Variants in PPCS observed in about 807,000 individuals in gnomAD.
The protein encoded by PPCS is phosphopantothenoylcysteine synthetase, also known as phosphopantothenate--cysteine ligase.
PPCS carries 17 observed loss-of-function variants against 24.6 expected under a neutral mutation model. The ratio of observed to expected loss-of-function variants is 0.69; its 90% CI spans 0.47 to 1.04. PPCS has a LOEUF of 1.04. PPCS is among the 50% of genes least tolerant of loss of function. The pLI is 0.00. For missense variants in PPCS, 360 were observed against 402.8 expected, an observed-to-expected ratio of 0.89 and a Z score of 0.91; for synonymous variants, 190 against 168.3, an observed-to-expected ratio of 1.13 and a Z score of -1.00.
chr1:42,468,733 T>C (rs1643670040), intron 2 of PPCS: 1 of 152,198 alleles, frequency 6.6e-6, no homozygotes, highest in Admixed American at 6.5e-5. Context: ...GCATTACTAT[T>C]ACATTTATTC....
Position 42,469,860 on chromosome 1 carries a change from T to C in PPCS, n.378-3262T>C, listed in dbSNP as rs932902425. Among the ~76,000 whole-genome samples the C allele has an allele frequency of 3.9e-5, 6 of 152,028 alleles. No homozygotes were observed. In the South Asian group the frequency reaches 1.3e-3, roughly 32 times the overall value. ...GAGATATTCAGTTTGATGGGAGAGGTAAAAGTTTTGAATAGTTGCTGAGTG... is the reference window on the plus strand; with the variant it reads ...GAGATATTCAGTTTGATGGGAGAGGCAAAAGTTTTGAATAGTTGCTGAGTG... On this transcript the variant is annotated intron_variant and non_coding_transcript_variant, in intron 2 of 2. Transcript: ENST00000471420.
chr1:42,459,637 C>T lies in PPCS; in HGVS notation c.647C>T (p.Pro216Leu), dbSNP rs267598608. The T allele has an allele frequency of 6.2e-7, 1 of 1,613,896 alleles. No homozygotes were observed. Among genetic ancestry groups the T allele is most frequent in the Non-Finnish European group, 8.5e-7 (1 of 1,179,964 alleles). The change falls in exon 3 of 3, where the codon CCT (proline) becomes CTT (leucine). Residue 216 changes from proline to leucine, a missense_variant. By Grantham distance (98) the Pro-to-Leu change is moderately conservative. Around this residue, in one of 2 missense-constraint regions of PPCS, gnomAD observed 116 missense variants for 168.1 expected, o/e 0.69. Coordinates refer to ENST00000372561, the MANE Select transcript of PPCS (RefSeq NM_024664.4). ...AAGATGGTGCCAAAACTGCTTTCTCCTTTGGTTAAAGATTGGGCTCCCAAA... is the reference window on the plus strand; with the variant it reads ...AAGATGGTGCCAAAACTGCTTTCTCTTTTGGTTAAAGATTGGGCTCCCAAA... ...TMKMVPKLLS[P>L]LVKDWAPKAF...
chr1:42,465,813 T>A (rs1344580094), downstream of PPCS, among the ~76,000 whole-genome samples: 1 of 152,196 alleles, frequency 6.6e-6, no homozygotes, highest in Non-Finnish European at 1.5e-5. Context: ...CTCCATATCT[T>A]AATATGCACA....
At chr1:42,459,560 A>G (rs1160774142) in intron 2 of PPCS, 43 bp from the exon 3 acceptor site, 1 of 1,518,482 alleles carries the variant, frequency 6.6e-7, no homozygotes, top group African/African-American at 1.4e-5. Flanking sequence ...CTGGTAGGTA[A>G]TGACCATTGT....
intron 2 of PPCS, among the ~76,000 whole-genome samples, chr1:42,467,361 A>G (rs1643622681): frequency 6.6e-6 from 1 of 152,254 alleles, no homozygotes; most frequent in Admixed American, 6.5e-5. Context: ...AATAGTAGGC[A>G]AGCCTAAACT....
At position 42,456,576 on chromosome 1, in the gene PPCS, T is replaced by C. The variant is rs547431390; in HGVS notation, c.11T>C (p.Met4Thr). The change falls in exon 1 of 3, where the codon ATG becomes ACG. Residue 4 changes from methionine (M) to threonine (T), a missense_variant. Physicochemically the swap from Met to Thr is moderately conservative, Grantham distance 81. This residue lies in a region of PPCS where 244 missense variants were observed against 234.7 expected (regional missense o/e 1.04). Transcript: ENST00000372561. MAE[M>T]DPVAEFPQPP... The stretch of plus-strand genomic sequence containing the variant: ...GCCGCTGCGCTGCAGATGGCGGAAA[T>C]GGATCCGGTAGCCGAGTTCCCCCAG... 60 of 1,484,224 alleles carry C rather than the reference T, an allele frequency of 4.0e-5. 1 individual carries two copies. In the South Asian group the frequency reaches 6.3e-4, roughly 16 times the overall value. 91.9% of individuals were successfully genotyped at this position (1,484,224 alleles called of 1,614,324 possible).
intron 2 of PPCS, among the ~76,000 whole-genome samples, chr1:42,470,806 G>A (rs1057272571): frequency 1.3e-5 from 2 of 152,140 alleles, no homozygotes; most frequent in Admixed American, 1.3e-4. Context: ...TGGGGGTGAG[G>A]GGAATGAGAA....
Position 42,459,705 on chromosome 1 carries a change from G to A in PPCS, c.715G>A (p.Val239Ile), listed in dbSNP as rs1458168951. The A allele has an allele frequency of 1.9e-6, 3 of 1,614,094 alleles. No homozygotes were observed. The highest frequency in any genetic ancestry group is 2.5e-6 in the Non-Finnish European group (3 of 1,180,052). ...TAAGTTGGAGACTGACCCCGCCATTGTAATTAATCGAGCTCGGAAGGCTTT... is the reference window on the plus strand; with the variant it reads ...TAAGTTGGAGACTGACCCCGCCATTATAATTAATCGAGCTCGGAAGGCTTT... ...SFKLETDPAI[V>I]INRARKALEI... Residue 239 changes from valine to isoleucine, a missense_variant, in exon 3 of 3, where the codon GTA becomes ATA. Physicochemically the swap from Val to Ile is conservative, Grantham distance 29 (BLOSUM62 3). Coordinates refer to ENST00000372561, the MANE Select transcript of PPCS (RefSeq NM_024664.4).
downstream of PPCS, chr1:42,463,255 A>G (rs1211955444): frequency 1.3e-5 from 2 of 152,220 alleles, no homozygotes; most frequent in African/African-American, 2.4e-5. Flanking sequence ...CGCCGGAAGG[A>G]CGCGTCTGCG....
In PPCS at chr1:42,460,006, A is replaced by G; in HGVS notation, c.*80A>G. ...AACTACAAAAAAAACCATGGCTTTC[A>G]TATGGACAGATAAAATGAAAGAAAG... is the stretch of plus-strand genomic sequence containing the variant. On this transcript the variant is annotated 3_prime_UTR_variant, in exon 3 of 3. Transcript: ENST00000372561. The G allele has an allele frequency of 6.7e-7, 1 of 1,484,764 alleles. No individual in the cohort carries two copies. 92.0% of individuals were successfully genotyped at this position (1,484,764 alleles called of 1,614,324 possible). A position where few individuals can be genotyped will look rare whatever the true frequency, so the allele number is the denominator to read the frequency against.
downstream of PPCS, among the ~76,000 whole-genome samples, chr1:42,464,698 TTG>T (rs1160332021): frequency 1.3e-5 from 2 of 152,232 alleles, no homozygotes; most frequent in African/African-American, 4.8e-5. Flanking sequence ...TTGACTTAAT[TTG>T]TCTTACAATA....
At chr1:42,456,500 G>A (rs970577235), upstream of PPCS, 7 of 1,419,640 alleles carry the variant, frequency 4.9e-6, no homozygotes, top group African/African-American at 7.4e-5. Context: ...CGTACACCAG[G>A]TAGGCGAGAA....
In PPCS at chr1:42,460,039, G is replaced by T. The variant is rs1643368534; in HGVS notation, c.*113G>T. ...AGATAAAATGAAAGAAAGGGAAAAG[G>T]CAGTGGTGTGTAGGCAAATATGGTT... On this transcript the variant is annotated 3_prime_UTR_variant, in exon 3 of 3. Coordinates refer to ENST00000372561, the MANE Select transcript of PPCS (RefSeq NM_024664.4). 1 of 1,438,142 alleles carries T rather than the reference G, an allele frequency of 7.0e-7. No homozygotes were observed. The highest frequency in any genetic ancestry group is 1.4e-5 in the African/African-American group (1 of 69,994). The allele number at this position is 1,438,142 out of a possible 1,614,324, so 89.1% of individuals were successfully genotyped here.
At position 42,459,995 on chromosome 1, in the gene PPCS, C is replaced by A. The variant is rs992213398; in HGVS notation, c.*69C>A. On this transcript the variant is annotated 3_prime_UTR_variant, in exon 3 of 3. Coordinates refer to ENST00000372561, the MANE Select transcript of PPCS (RefSeq NM_024664.4). Reference sequence around the variant, plus strand: ...GAGATGGTGAAAACTACAAAAAAAACCATGGCTTTCATATGGACAGATAAA... The same window carrying A: ...GAGATGGTGAAAACTACAAAAAAAAACATGGCTTTCATATGGACAGATAAA... 1.4e-5 allele frequency: 21 copies of A among 1,503,150 alleles called. No homozygotes were observed. Among genetic ancestry groups the A allele is most frequent in the Middle Eastern group, 2.5e-4 (1 of 4,056 alleles). 93.1% of individuals were successfully genotyped at this position (1,503,150 alleles called of 1,614,324 possible). A position where few individuals can be genotyped will look rare whatever the true frequency, so the allele number is the denominator to read the frequency against.
At chr1:42,456,515 C>A, upstream of PPCS, 1 of 1,431,804 alleles carries the variant, frequency 7.0e-7, no homozygotes, top group Non-Finnish European at 9.1e-7. Flanking sequence ...CGAGAAGGGG[C>A]GTGGCGCGGC....
intron 2 of PPCS, chr1:42,467,768 A>G (rs997044359): frequency 6.6e-6 from 1 of 152,232 alleles, no homozygotes; most frequent in African/African-American, 2.4e-5. Flanking sequence ...AACTGACTGA[A>G]TGGGGAAAAT....
At position 42,456,828 on chromosome 1, in the gene PPCS, C is replaced by T; in HGVS notation, c.263C>T (p.Ser88Phe). The T allele has an allele frequency of 6.2e-7, 1 of 1,613,464 alleles. No homozygotes were observed. The highest frequency in any genetic ancestry group is 8.5e-7 in the Non-Finnish European group (1 of 1,180,032). Residue 88 changes from serine to phenylalanine, a missense_variant, in exon 1 of 3, where the codon TCT becomes TTT. Physicochemically the swap from Ser to Phe is radical, Grantham distance 155. Coordinates refer to ENST00000372561, the MANE Select transcript of PPCS (RefSeq NM_024664.4). ...YGVLFLYRAR[S>F]AFPYAHRFPP... ...GTCCTGTTCTTGTATCGCGCTCGCTCTGCCTTCCCCTATGCCCACCGCTTC... is the reference window on the plus strand; with the variant it reads ...GTCCTGTTCTTGTATCGCGCTCGCTTTGCCTTCCCCTATGCCCACCGCTTC...
chr1:42,467,267 G>A (rs762041356), intron 2 of PPCS, among the ~76,000 whole-genome samples: 3 of 152,198 alleles, frequency 2.0e-5, no homozygotes, highest in Non-Finnish European at 4.4e-5. Context: ...GGATCAGTCT[G>A]GAGTTTTGCT....
chr1:42,464,382 A>G (rs1643502248), downstream of PPCS, among the ~76,000 whole-genome samples: 1 of 152,222 alleles, frequency 6.6e-6, no homozygotes, highest in African/African-American at 2.4e-5. Flanking sequence ...AGGGCATTCA[A>G]AGTGATCATG....
Sources: allele counts gnomAD v4.1 joint callset (sites outside exome capture counted in the v4.1 genomes callset), GRCh38; gene constraint gnomAD v4.1.1; regional missense constraint gnomAD v4.1.1; transcripts MANE v1.5; gene names NCBI Gene and HGNC (gene_info 2026-07-23, HGNC 2026-07-21).